Variants in RPS6KA6 observed in about 807,000 individuals in gnomAD.
RPS6KA6 encodes ribosomal protein S6 kinase alpha-6.
Under a neutral mutation model 65.4 loss-of-function variants are expected in RPS6KA6, and 27 were observed. The observed-to-expected ratio is 0.41, with a 90% CI of 0.30 to 0.57. RPS6KA6 has a LOEUF of 0.57. Ranked by LOEUF, RPS6KA6 falls within the 20% of genes least tolerant of loss-of-function variation. The pLI, the probability that RPS6KA6 is intolerant of heterozygous loss-of-function variation, is 0.24. For synonymous variants in RPS6KA6, 190 were observed against 184.2 expected (o/e 1.03, Z -0.26); for missense variants, 486 against 555.6 (o/e 0.87, Z 1.26).
chrX:84,108,157 T>A (rs1409178413), intron 12 of RPS6KA6, among the ~76,000 whole-genome samples: 1 of 112,121 alleles, frequency 8.9e-6, no homozygotes, highest in Non-Finnish European at 1.9e-5. Flanking sequence ...GAAAATTTAG[T>A]CGTCTAACAA....
intron 20 of RPS6KA6, among the ~76,000 whole-genome samples, chrX:84,077,468 T>G (rs905293444): frequency 9.0e-6 from 1 of 111,653 alleles, no homozygotes; most frequent in Admixed American, 9.6e-5. Context: ...CATGGATATT[T>G]GGACAATTGA....
At chrX:84,145,599 G>A in intron 5 of RPS6KA6, 42 bp from the exon 6 acceptor site, 2 of 725,104 alleles carry the variant, frequency 2.8e-6, no homozygotes, top group Non-Finnish European at 4.0e-6. Context: ...AATCTCAAAG[G>A]CTTAAAAAGC....
chrX:84,071,764 C>T (rs770745544), intron 20 of RPS6KA6, among the ~76,000 whole-genome samples: 1 of 111,521 alleles, frequency 9.0e-6, no homozygotes, highest in East Asian at 2.8e-4. Flanking sequence ...GACATTACAA[C>T]TGATACCACA....
At chrX:84,184,061 T>G (rs1234159513) in intron 1 of RPS6KA6, among the ~76,000 whole-genome samples, 1 of 112,274 alleles carries the variant, frequency 8.9e-6, no homozygotes, top group African/African-American at 3.2e-5. Context: ...AATTAAAAAT[T>G]TCAATGAAAC....
Position 84,116,293 on chromosome X carries a change from A to C in RPS6KA6, c.950-6T>G, listed in dbSNP as rs2034563449. ...TTCTTCAACTCCTTCTGATCCTATA[A>C]AAAAAAGAAATGATATTTTATTTTT... On this transcript the variant is annotated splice_polypyrimidine_tract_variant and splice_region_variant and intron_variant, in intron 11 of 21. Transcript: ENST00000262752. 1.9e-6 allele frequency: 2 copies of C among 1,053,688 alleles called. No individual in the cohort carries two copies. The allele number at this position is 1,053,688 out of a possible 1,213,427, so 86.8% of individuals were successfully genotyped here.
intron 12 of RPS6KA6, among the ~76,000 whole-genome samples, chrX:84,109,879 C>T (rs773481836): frequency 1.8e-5 from 2 of 111,335 alleles, no homozygotes; most frequent in African/African-American, 3.3e-5. Flanking sequence ...GGAAGTTTGC[C>T]TAGTCCTGTC....
chrX:84,120,117 C>T, intron 8 of RPS6KA6, 90 bp from the exon 9 acceptor site: 1 of 624,982 alleles, frequency 1.6e-6, no homozygotes, highest in Non-Finnish European at 2.3e-6. Context: ...TTAAACATTA[C>T]AATTATTTAT....
At chrX:84,145,651 T>C in intron 5 of RPS6KA6, 94 bp from the exon 6 acceptor site, 1 of 449,316 alleles carries the variant, frequency 2.2e-6, no homozygotes, top group Non-Finnish European at 3.6e-6. Flanking sequence ...AATTTTACAG[T>C]ATTTACTCAC....
chrX:84,167,631 G>A (rs1332832421), intron 1 of RPS6KA6, among the ~76,000 whole-genome samples: 1 of 111,627 alleles, frequency 9.0e-6, no homozygotes, highest in African/African-American at 3.3e-5. Context: ...TAAATAAAAG[G>A]TGCAAGATTC....
In RPS6KA6 at chrX:84,064,298, C is replaced by T. The variant is rs1192742836; in HGVS notation, c.2217G>A (p.Lys739=). The change falls in exon 22 of 22, where the codon AAG becomes AAA. Residue 739 remains lysine (K), a synonymous_variant. Transcript: ENST00000262752. The stretch of plus-strand genomic sequence containing the variant: ...AATCTTACAGGCCAGTTGATGTTCG[C>T]TTTTTCATGCTCCGTCGCTGGGCTA... ...SSLAQRRSMK[K]RTSTGL is the part of the protein sequence containing the mutation. 1 of 1,208,282 alleles carries T rather than the reference C, an allele frequency of 8.3e-7. No individual in the cohort carries two copies. Among genetic ancestry groups the T allele is most frequent in the East Asian group, 3.0e-5 (1 of 33,742 alleles).
At chrX:84,111,106 A>G (rs779676678) in intron 12 of RPS6KA6, among the ~76,000 whole-genome samples, 5 of 108,966 alleles carry the variant, frequency 4.6e-5, no homozygotes, top group Non-Finnish European at 7.6e-5. Flanking sequence ...AATAATTTTG[A>G]GCATGAGGGC....
chrX:84,150,789 T>C (rs1194457981), intron 3 of RPS6KA6, among the ~76,000 whole-genome samples: 3 of 92,836 alleles, frequency 3.2e-5, no homozygotes, highest in East Asian at 3.4e-4. Flanking sequence ...ACGGACTATA[T>C]AGAGAATATA....
At chrX:84,106,827 T>C (rs1240590186) in intron 14 of RPS6KA6, 83 bp downstream of exon 14, 3 of 799,668 alleles carry the variant, frequency 3.8e-6, no homozygotes, top group Non-Finnish European at 5.2e-6. Context: ...AAAATCACTT[T>C]AAAAAAAACG....
intron 6 of RPS6KA6, among the ~76,000 whole-genome samples, chrX:84,135,465 G>C (rs951043694): frequency 5.4e-5 from 6 of 111,266 alleles, no homozygotes; most frequent in Non-Finnish European, 1.1e-4. Flanking sequence ...GAAATATTAT[G>C]TTGTTTGTAT....
intron 9 of RPS6KA6, 61 bp downstream of exon 9, chrX:84,119,819 TTAAAA>T: frequency 1.1e-6 from 1 of 925,161 alleles, no homozygotes; most frequent in Non-Finnish European, 1.4e-6. Context: ...AAAATTTGAA[TTAAAA>T]TAAAATTATA....
At chrX:84,079,245 C>T (rs764316215) in intron 20 of RPS6KA6, among the ~76,000 whole-genome samples, 12 of 110,613 alleles carry the variant, frequency 1.1e-4, no homozygotes, top group East Asian at 5.8e-4. Flanking sequence ...CAAGAGAAGC[C>T]GTGAGGGACT....
chrX:84,150,949 T>G (rs1209192194), intron 3 of RPS6KA6, among the ~76,000 whole-genome samples: 2 of 94,911 alleles, frequency 2.1e-5, no homozygotes, highest in East Asian at 6.5e-4. Flanking sequence ...AGGATATATA[T>G]AGGATATATA....
intron 10 of RPS6KA6, 40 bp downstream of exon 10, chrX:84,117,344 G>T: frequency 3.2e-6 from 3 of 925,667 alleles, no homozygotes; most frequent in Non-Finnish European, 4.4e-6. Flanking sequence ...GAAAGCAAGA[G>T]ATTTTTTTCC....
Position 84,187,838 on chromosome X carries a change from C to T in RPS6KA6, c.62G>A (p.Gly21Asp), listed in dbSNP as rs1365285471. 6 of 1,206,192 alleles carry T rather than the reference C, an allele frequency of 5.0e-6. No individual in the cohort carries two copies. The highest frequency in any genetic ancestry group is 6.7e-6 in the Non-Finnish European group (6 of 892,975). The change falls in exon 1 of 22, where the codon GGC becomes GAC. Residue 21 changes from glycine (G) to aspartate (D), a missense_variant. Transcript: ENST00000262752. ...ACTAACCTCGCCGCTGCTCGCGCCG[C>T]CGCCGCTGAACACTTCCATTTCTCG... ...WDREMEVFSG[G>D]GASSGEVNGL... is the part of the protein sequence containing the mutation.
Sources: gnomAD v4.1 joint callset for allele counts (sites outside exome capture counted in the v4.1 genomes callset) on GRCh38, gnomAD v4.1.1 for gene constraint, MANE v1.5 for transcripts, NCBI Gene and HGNC (gene_info 2026-07-23, HGNC 2026-07-21) for gene names.